The following PTPRD variants were observed in gnomAD, a reference collection of about 807,000 sequenced individuals.
PTPRD encodes receptor-type tyrosine-protein phosphatase delta.
Under a neutral mutation model 214.5 loss-of-function variants are expected in PTPRD, and 34 were observed. The observed-to-expected ratio is 0.16, with a 90% CI of 0.12 to 0.21. The LOEUF (loss-of-function observed/expected upper bound fraction) is 0.21, where lower values mean the gene tolerates loss of function less well. Among genes scored for constraint, PTPRD ranks in the 10% least tolerant of loss-of-function variants. The pLI, the probability that PTPRD is intolerant of heterozygous loss-of-function variation, is 1.00. For synonymous variants in PTPRD, 1,128 were observed against 845.7 expected (o/e 1.33, Z -5.79); for missense variants, 2,545 against 2,398.7 (o/e 1.06, Z -1.27).
At chr9:9,544,497 G>T (rs1315677655) in intron 8 of PTPRD, among the ~76,000 whole-genome samples, 1 of 151,292 alleles carries the variant, frequency 6.6e-6, no homozygotes, top group Non-Finnish European at 1.5e-5. Flanking sequence ...TCACTTGAGG[G>T]CCTATATACT....
intron 3 of PTPRD, among the ~76,000 whole-genome samples, chr9:10,148,772 G>A (rs143812281): frequency 4.6e-5 from 7 of 152,112 alleles, no homozygotes; most frequent in Admixed American, 4.6e-4. Flanking sequence ...ATCTCTGGGG[G>A]TAAGAACCAT....
chr9:9,225,637 G>A (rs1227741025), intron 9 of PTPRD, among the ~76,000 whole-genome samples: 3 of 152,020 alleles, frequency 2.0e-5, no homozygotes, highest in Non-Finnish European at 4.4e-5. Context: ...CTTACCTTGA[G>A]ACATAATCTT....
chr9:9,394,293 G>C (rs1185724641), intron 9 of PTPRD, among the ~76,000 whole-genome samples: 1 of 152,110 alleles, frequency 6.6e-6, no homozygotes, highest in South Asian at 2.1e-4. Flanking sequence ...ATAAGAGCTT[G>C]CATCTCTCAC....
intron 11 of PTPRD, among the ~76,000 whole-genome samples, chr9:9,017,814 C>G (rs1321003444): frequency 1.3e-5 from 2 of 152,046 alleles, no homozygotes; most frequent in African/African-American, 2.4e-5. Context: ...CGTAAATTGT[C>G]AAATAAGTGA....
At chr9:9,716,423 C>T (rs567200226) in intron 7 of PTPRD, among the ~76,000 whole-genome samples, 22 of 151,834 alleles carry the variant, frequency 1.4e-4, no homozygotes, top group Non-Finnish European at 2.2e-4. Flanking sequence ...CCTGAGGAAT[C>T]GCCACACTGA....
At chr9:8,877,003 A>G (rs910001265) in intron 11 of PTPRD, among the ~76,000 whole-genome samples, 1 of 151,360 alleles carries the variant, frequency 6.6e-6, no homozygotes, top group Non-Finnish European at 1.5e-5. Flanking sequence ...CTCAGCTCAC[A>G]GCAACCTCTG....
chr9:8,711,642 T>C (rs897643551), intron 12 of PTPRD, among the ~76,000 whole-genome samples: 3 of 152,262 alleles, frequency 2.0e-5, no homozygotes, highest in East Asian at 3.9e-4. Context: ...TTTTATGAAA[T>C]CTATTAGCCC....
chr9:10,368,491 T>C (rs1257262154), intron 2 of PTPRD, among the ~76,000 whole-genome samples: 1 of 152,050 alleles, frequency 6.6e-6, no homozygotes, highest in Non-Finnish European at 1.5e-5. Flanking sequence ...TTCAATGCAA[T>C]GGGTTTTGTT....
intron 18 of PTPRD, 105 bp downstream of exon 18, chr9:8,524,820 C>T: frequency 1.1e-6 from 1 of 947,614 alleles, no homozygotes; most frequent in Non-Finnish European, 1.7e-6. Context: ...GTCACTATTA[C>T]CAAACCAGCT....
intron 3 of PTPRD, among the ~76,000 whole-genome samples, chr9:10,055,644 AT>A (rs1415283844): frequency 6.6e-6 from 1 of 152,086 alleles, no homozygotes; most frequent in African/African-American, 2.4e-5. Context: ...GTCCAACATC[AT>A]TAAACACAGT....
intron 11 of PTPRD, among the ~76,000 whole-genome samples, chr9:8,948,972 G>C (rs1330841168): frequency 6.6e-6 from 1 of 151,892 alleles, no homozygotes; most frequent in Non-Finnish European, 1.5e-5. Context: ...GGTGGCTCAC[G>C]CCTGTAGTCC....
chr9:9,183,882 A>T (rs1190223007), intron 9 of PTPRD, among the ~76,000 whole-genome samples: 1 of 152,048 alleles, frequency 6.6e-6, no homozygotes, highest in Admixed American at 6.6e-5. Context: ...TCCATCTTAT[A>T]AGCATTACAT....
intron 3 of PTPRD, among the ~76,000 whole-genome samples, chr9:10,054,772 A>C (rs1247526360): frequency 1.3e-5 from 2 of 152,092 alleles, no homozygotes; most frequent in Non-Finnish European, 2.9e-5. Flanking sequence ...TGTTTTAGTA[A>C]AGTTGAATAC....
At chr9:9,763,991 T>G (rs1226066349) in intron 6 of PTPRD, among the ~76,000 whole-genome samples, 1 of 152,138 alleles carries the variant, frequency 6.6e-6, no homozygotes, top group African/African-American at 2.4e-5. Context: ...GAAGCCAGAT[T>G]GATTAAAATT....
At chr9:9,625,460 A>C (rs1262280125) in intron 7 of PTPRD, among the ~76,000 whole-genome samples, 1 of 152,156 alleles carries the variant, frequency 6.6e-6, no homozygotes, top group African/African-American at 2.4e-5. Context: ...GTTCTTAACC[A>C]TAGGCAGCTC....
chr9:10,207,838 G>A (rs1037579733), intron 3 of PTPRD, among the ~76,000 whole-genome samples: 1 of 151,734 alleles, frequency 6.6e-6, no homozygotes, highest in Non-Finnish European at 1.5e-5. Context: ...ATATCTTCTC[G>A]TATGGAAGCA....
At chr9:10,244,660 C>T (rs1564753138) in intron 3 of PTPRD, among the ~76,000 whole-genome samples, 1 of 152,136 alleles carries the variant, frequency 6.6e-6, no homozygotes, top group African/African-American at 2.4e-5. Context: ...CAGTTCAAAT[C>T]TCATAGAGCC....
intron 11 of PTPRD, among the ~76,000 whole-genome samples, chr9:8,841,624 C>CT (rs1253102929): frequency 6.6e-6 from 1 of 151,958 alleles, no homozygotes; most frequent in Non-Finnish European, 1.5e-5. Context: ...AATCAACTGC[C>CT]TTTAAAAACC....
intron 8 of PTPRD, among the ~76,000 whole-genome samples, chr9:9,502,349 A>G (rs530761747): frequency 6.6e-6 from 1 of 151,952 alleles, no homozygotes; most frequent in African/African-American, 2.4e-5. Flanking sequence ...GATTCTTCAT[A>G]TAAGTGGGAT....
Sources: gnomAD v4.1 joint callset for allele counts (sites outside exome capture counted in the v4.1 genomes callset) on GRCh38, gnomAD v4.1.1 for gene constraint, MANE v1.5 for transcripts, NCBI Gene and HGNC (gene_info 2026-07-23, HGNC 2026-07-21) for gene names.